The following ZCWPW2 variants were observed in gnomAD, a reference collection of about 807,000 sequenced individuals.
The protein encoded by ZCWPW2 is zinc finger CW-type and PWWP domain containing 2, also known as zinc finger CW-type PWWP domain protein 2.
Under a neutral mutation model 46.6 loss-of-function variants are expected in ZCWPW2, and 45 were observed. The ratio of observed to expected loss-of-function variants is 0.96; its 90% CI spans 0.76 to 1.24. The LOEUF (loss-of-function observed/expected upper bound fraction) is 1.24, where lower values mean the gene tolerates loss of function less well. Ranked by LOEUF, ZCWPW2 falls within the 50% of genes most tolerant of loss-of-function variation. ZCWPW2 has a pLI of 0.00. For synonymous variants in ZCWPW2, 152 were observed against 137.1 expected (o/e 1.11, Z -0.76); for missense variants, 429 against 403.9 (o/e 1.06, Z -0.53).
intron 3 of ZCWPW2, among the ~76,000 whole-genome samples, chr3:28,416,961 A>G (rs1322656433): frequency 6.8e-6 from 1 of 146,920 alleles, no homozygotes; most frequent in East Asian, 2.0e-4. Flanking sequence ...CATCAAGGAT[A>G]TTGGTCTAAA....
intron 5 of ZCWPW2, among the ~76,000 whole-genome samples, chr3:28,491,732 C>T (rs1015313652): frequency 6.6e-6 from 1 of 151,974 alleles, no homozygotes. Context: ...TATATAAAGT[C>T]CTTGTCCCAT....
chr3:28,364,250 T>A (rs944459311), intron 1 of ZCWPW2, among the ~76,000 whole-genome samples: 1 of 152,208 alleles, frequency 6.6e-6, no homozygotes, highest in African/African-American at 2.4e-5. Context: ...AGCAATTCCA[T>A]TTATAGGCAT....
intron 1 of ZCWPW2, among the ~76,000 whole-genome samples, chr3:28,386,925 G>T (rs1192173971): frequency 1.3e-5 from 2 of 152,148 alleles, no homozygotes; most frequent in Non-Finnish European, 1.5e-5. Flanking sequence ...AGGAGAAGGA[G>T]AATTGGTGGG....
intron 1 of ZCWPW2, among the ~76,000 whole-genome samples, chr3:28,386,567 C>T (rs1695281297): frequency 6.6e-6 from 1 of 152,038 alleles, no homozygotes; most frequent in Admixed American, 6.6e-5. Context: ...TAAAGTTTGC[C>T]TCACATTAAT....
At chr3:28,493,047 T>C (rs571592485) in intron 6 of ZCWPW2, among the ~76,000 whole-genome samples, 4 of 147,562 alleles carry the variant, frequency 2.7e-5, no homozygotes, top group African/African-American at 1.1e-4. Context: ...TCAGGTTTTG[T>C]TTTATCTTTT....
chr3:28,464,546 G>A (rs2125791033), intron 4 of ZCWPW2, among the ~76,000 whole-genome samples: 1 of 152,188 alleles, frequency 6.6e-6, no homozygotes, highest in East Asian at 1.9e-4. Flanking sequence ...CAAGCCCAGA[G>A]AGCACCAATC....
intron 1 of ZCWPW2, among the ~76,000 whole-genome samples, chr3:28,384,307 T>G (rs916102088): frequency 2.6e-5 from 4 of 152,240 alleles, no homozygotes; most frequent in African/African-American, 9.6e-5. Context: ...TTTTATGTTA[T>G]TAAATACTGC....
chr3:28,405,222 G>T (rs1439449984), intron 2 of ZCWPW2, among the ~76,000 whole-genome samples: 7 of 152,108 alleles, frequency 4.6e-5, no homozygotes, highest in Non-Finnish European at 1.0e-4. Context: ...TGGTCTGAAT[G>T]TCTGTGTCCC....
intron 3 of ZCWPW2, among the ~76,000 whole-genome samples, chr3:28,426,538 G>T (rs1483471623): frequency 6.6e-6 from 1 of 152,178 alleles, no homozygotes; most frequent in Non-Finnish European, 1.5e-5. Context: ...TTTAGACACA[G>T]TATATAAATT....
intron 4 of ZCWPW2, among the ~76,000 whole-genome samples, chr3:28,474,142 T>C (rs959479202): frequency 2.0e-5 from 3 of 152,212 alleles, no homozygotes; most frequent in Admixed American, 1.3e-4. Context: ...CCCATAAGTA[T>C]ATACACCTAC....
chr3:28,525,725 A>G lies in ZCWPW2; in HGVS notation c.*1037A>G, dbSNP rs1288970173. On this transcript the variant is annotated 3_prime_UTR_variant, in exon 10 of 10. Coordinates refer to ENST00000383768, the MANE Select transcript of ZCWPW2 (RefSeq NM_001040432.4). ...ACTCATTGAGTGGGTTGCTTCTTTT[A>G]AGTATTTTTAGATTCTATGATAATT... Among the ~76,000 whole-genome samples, 1 of 152,202 alleles carries G rather than the reference A, an allele frequency of 6.6e-6. No individual in the cohort carries two copies.
At chr3:28,386,441 C>T (rs529036939) in intron 1 of ZCWPW2, among the ~76,000 whole-genome samples, 8 of 152,102 alleles carry the variant, frequency 5.3e-5, no homozygotes, top group Non-Finnish European at 1.2e-4. Context: ...TGTTATTCCT[C>T]CCCAAGCAGA....
chr3:28,425,752 T>C (rs1394977739), intron 3 of ZCWPW2, among the ~76,000 whole-genome samples: 1 of 152,204 alleles, frequency 6.6e-6, no homozygotes, highest in Non-Finnish European at 1.5e-5. Context: ...CCAGGAATAA[T>C]CAAATTATAA....
rs531523906 is a variant in ZCWPW2 at position 28,412,445 on chromosome 3, G to T, written c.-13-611G>T. Among the ~76,000 whole-genome samples the T allele has an allele frequency of 3.9e-5, 6 of 152,090 alleles. No homozygotes were observed. The East Asian group carries it at 1.2e-3, about 29-fold the overall frequency. On this transcript the variant is annotated intron_variant, in intron 2 of 9. Coordinates refer to ENST00000383768, the MANE Select transcript of ZCWPW2 (RefSeq NM_001040432.4). ...CATTTGATTTCCTGAGACAGAAGAA[G>T]AAAAGGTTCATTTAGTCATGCAATA...
chr3:28,386,042 C>A (rs567270670), intron 1 of ZCWPW2, among the ~76,000 whole-genome samples: 20 of 151,716 alleles, frequency 1.3e-4, no homozygotes, highest in Middle Eastern at 6.8e-3. Context: ...TTTTGAAGAA[C>A]CAGCTTTTGC....
chr3:28,394,878 C>G (rs1235197371), intron 2 of ZCWPW2, among the ~76,000 whole-genome samples: 1 of 152,028 alleles, frequency 6.6e-6, no homozygotes, highest in Non-Finnish European at 1.5e-5. Flanking sequence ...ACACCAAGTG[C>G]ACAGGCAATA....
At chr3:28,358,264 C>T (rs1704814538) in intron 1 of ZCWPW2, among the ~76,000 whole-genome samples, 1 of 152,088 alleles carries the variant, frequency 6.6e-6, no homozygotes, top group South Asian at 2.1e-4. Flanking sequence ...TGAAATGACT[C>T]CTTAACATTT....
intron 4 of ZCWPW2, among the ~76,000 whole-genome samples, chr3:28,437,196 C>T (rs2125766001): frequency 6.6e-6 from 1 of 152,242 alleles, no homozygotes; most frequent in Admixed American, 6.5e-5. Flanking sequence ...GTAAATTGTA[C>T]AAGTTGTCTG....
intron 2 of ZCWPW2, among the ~76,000 whole-genome samples, chr3:28,403,096 G>C (rs1348352715): frequency 2.6e-5 from 4 of 152,118 alleles, no homozygotes; most frequent in African/African-American, 9.7e-5. Flanking sequence ...TCAGTAAAGA[G>C]AAAGTCAAAC....
Sources: allele counts gnomAD v4.1 joint callset (sites outside exome capture counted in the v4.1 genomes callset), GRCh38; gene constraint gnomAD v4.1.1; transcripts MANE v1.5; gene names NCBI Gene and HGNC (gene_info 2026-07-23, HGNC 2026-07-21).